The following ADAMTS18 variants were observed in gnomAD, a reference collection of about 807,000 sequenced individuals.
ADAMTS18 encodes the protein ADAM metallopeptidase with thrombospondin type 1 motif 18, also known as A disintegrin and metalloproteinase with thrombospondin motifs 18.
A neutral mutation model predicts 165.9 loss-of-function variants in ADAMTS18; 157 were observed. That is an observed-to-expected ratio of 0.95 (90% CI 0.83 to 1.08). The LOEUF is 1.08. Ranked by LOEUF, ADAMTS18 falls within the 50% of genes least tolerant of loss-of-function variation. ADAMTS18 has a pLI of 0.00. For missense variants in ADAMTS18, 2,040 were observed against 1,534.0 expected (o/e 1.33, Z -5.51); for synonymous variants, 782 against 578.2 (o/e 1.35, Z -5.06).
At chr16:77,400,480 GTTTTGTT>G (rs1224756315) in intron 3 of ADAMTS18, among the ~76,000 whole-genome samples, 11 of 104,034 alleles carry the variant, frequency 1.1e-4, no homozygotes, top group African/African-American at 1.6e-4. Flanking sequence ...GTGTGTGTGT[GTTTTGTT>G]TTTTTTTTTT....
chr16:77,356,006 A>G lies in ADAMTS18; in HGVS notation c.1394T>C (p.Leu465Pro), dbSNP rs758044350. Residue 465 changes from leucine to proline, a missense_variant, in exon 9 of 23, where the codon CTG (leucine) becomes CCG (proline). Transcript: ENST00000282849. ...TGAAAACACTCCATTGTTTCCGGTC[A>G]GTGTGGGAGACATGATATTGCCTTC... ...KAEGNIMSPT[L>P]TGNNGVFSWS... The G allele has an allele frequency of 6.2e-7, 1 of 1,614,138 alleles. No individual in the cohort carries two copies. The highest frequency in any genetic ancestry group is 8.5e-7 in the Non-Finnish European group (1 of 1,179,988).
intron 22 of ADAMTS18, among the ~76,000 whole-genome samples, chr16:77,286,017 A>T (rs554038173): frequency 6.6e-6 from 1 of 152,212 alleles, no homozygotes; most frequent in East Asian, 1.9e-4. Context: ...CTTCCATCGT[A>T]CTCAGCGTTA....
intron 3 of ADAMTS18, among the ~76,000 whole-genome samples, chr16:77,392,644 G>C (rs1422124782): frequency 2.0e-5 from 3 of 152,088 alleles, no homozygotes; most frequent in African/African-American, 7.2e-5. Flanking sequence ...GCAGGCACCA[G>C]GGATACAGGC....
intron 3 of ADAMTS18, among the ~76,000 whole-genome samples, chr16:77,413,628 T>C (rs2057492889): frequency 1.3e-5 from 2 of 152,230 alleles, no homozygotes; most frequent in Non-Finnish European, 2.9e-5. Context: ...TTTAATTTCC[T>C]GACCATGGAT....
chr16:77,286,730 C>T (rs570569414), intron 22 of ADAMTS18, among the ~76,000 whole-genome samples: 1 of 152,192 alleles, frequency 6.6e-6, no homozygotes, highest in African/African-American at 2.4e-5. Context: ...GTATTGAGTG[C>T]CTGCTCATCC....
chr16:77,364,987 T>C (rs2056772398), intron 4 of ADAMTS18, among the ~76,000 whole-genome samples: 1 of 152,052 alleles, frequency 6.6e-6, no homozygotes, highest in Non-Finnish European at 1.5e-5. Flanking sequence ...ATGCTTGTAA[T>C]CCTAGCTACT....
chr16:77,286,260 G>T (rs138240000), intron 22 of ADAMTS18, among the ~76,000 whole-genome samples: 1 of 152,114 alleles, frequency 6.6e-6, no homozygotes, highest in Non-Finnish European at 1.5e-5. Context: ...TCAAGTGGTC[G>T]TGCCTGATCA....
chr16:77,313,897 G>T (rs1275473590), intron 16 of ADAMTS18, among the ~76,000 whole-genome samples: 1 of 152,102 alleles, frequency 6.6e-6, no homozygotes, highest in South Asian at 2.1e-4. Flanking sequence ...ATCTAAAAAA[G>T]GACTTAAAAA....
At chr16:77,357,410 T>C (rs1158187663) in intron 8 of ADAMTS18, among the ~76,000 whole-genome samples, 1 of 152,314 alleles carries the variant, frequency 6.6e-6, no homozygotes, top group East Asian at 1.9e-4. Flanking sequence ...TGAAAGCATT[T>C]TCTTATCCTC....
In ADAMTS18 at chr16:77,283,628, T is replaced by C; in HGVS notation, c.*328A>G. 4 of 320,350 alleles carry C rather than the reference T, an allele frequency of 1.2e-5. No individual in the cohort carries two copies. The highest frequency in any genetic ancestry group is 2.4e-5 in the Non-Finnish European group (4 of 166,574). The allele number at this position is 320,350 out of a possible 1,614,324, so 19.8% of individuals were successfully genotyped here. On this transcript the variant is annotated 3_prime_UTR_variant, in exon 23 of 23. Transcript: ENST00000282849. Reference sequence around the variant, plus strand: ...CAGATGTCTTTGCCCTTGAACCCTTTGAAGTTCAAAAGGGGGTCTCTCCCC... The same window carrying C: ...CAGATGTCTTTGCCCTTGAACCCTTCGAAGTTCAAAAGGGGGTCTCTCCCC...
intron 3 of ADAMTS18, among the ~76,000 whole-genome samples, chr16:77,402,203 C>T (rs1172910918): frequency 6.6e-6 from 1 of 152,174 alleles, no homozygotes; most frequent in Non-Finnish European, 1.5e-5. Context: ...CACAGGTATA[C>T]AAAGAACTTT....
intron 3 of ADAMTS18, among the ~76,000 whole-genome samples, chr16:77,378,541 C>T (rs140555996): frequency 6.6e-6 from 1 of 151,742 alleles, no homozygotes; most frequent in Non-Finnish European, 1.5e-5. Context: ...ATGGCGAAAC[C>T]CTGACTCCAC....
chr16:77,399,718 G>C (rs1281448894), intron 3 of ADAMTS18, among the ~76,000 whole-genome samples: 2 of 152,128 alleles, frequency 1.3e-5, no homozygotes, highest in African/African-American at 4.8e-5. Flanking sequence ...GTTACACTAA[G>C]CATTCAAAAC....
At chr16:77,344,275 C>A (rs2056443434) in intron 10 of ADAMTS18, among the ~76,000 whole-genome samples, 1 of 151,654 alleles carries the variant, frequency 6.6e-6, no homozygotes, top group Admixed American at 6.6e-5. Context: ...CCAACACCAC[C>A]AGCTGCCCCA....
In ADAMTS18 at chr16:77,334,650, A is replaced by T. The variant is rs538398610; in HGVS notation, c.1859+1106T>A. ...ATACTATAGTATATAGTGTATATAC[A>T]CTATATACTGTATATAGTGCATATA... On this transcript the variant is annotated intron_variant, in intron 12 of 22. Coordinates refer to ENST00000282849, the MANE Select transcript of ADAMTS18 (RefSeq NM_199355.4). 1.5e-3 allele frequency among the ~76,000 whole-genome samples: 169 copies of T among 112,474 alleles called. 1 individual carries two copies. The highest frequency in any genetic ancestry group is 2.2e-3 in the Non-Finnish European group (130 of 59,394). 73.8% of individuals were successfully genotyped at this position (112,474 alleles called of 152,430 possible).
At chr16:77,388,107 T>C (rs1219159697) in intron 3 of ADAMTS18, among the ~76,000 whole-genome samples, 1 of 152,098 alleles carries the variant, frequency 6.6e-6, no homozygotes, top group African/African-American at 2.4e-5. Context: ...TCAGAAAGCT[T>C]TTCTTCTTTT....
In ADAMTS18 at chr16:77,340,700, C is replaced by G. The variant is rs187576386; in HGVS notation, c.1710+1004G>C. On this transcript the variant is annotated intron_variant, in intron 11 of 22. Transcript: ENST00000282849. ...GGTTGAAGCGATCCTCCTCCTTCAA[C>G]CTCCCAAAGTGCTGGGACTACAGGC... 3.3e-5 allele frequency among the ~76,000 whole-genome samples: 5 copies of G among 152,204 alleles called. No homozygotes were observed. In the East Asian group the frequency reaches 9.7e-4, roughly 29 times the overall value.
chr16:77,355,971 A>C lies in ADAMTS18; in HGVS notation c.1429T>G (p.Cys477Gly). 5 of 1,614,138 alleles carry C rather than the reference A, an allele frequency of 3.1e-6. No individual in the cohort carries two copies. Among genetic ancestry groups the C allele is most frequent in the Non-Finnish European group, 4.2e-6 (5 of 1,179,978 alleles). ...AATTTCTTGAGATACTGGCGGCTGC[A>C]GGAAGACCATGAAAACACTCCATTG... ...GNNGVFSWSS[C>G]SRQYLKKFLS... The change falls in exon 9 of 23, where the codon TGC becomes GGC. Residue 477 changes from cysteine (C) to glycine (G), a missense_variant. By Grantham distance (159) the Cys-to-Gly change is radical. Coordinates refer to ENST00000282849, the MANE Select transcript of ADAMTS18 (RefSeq NM_199355.4).
intron 3 of ADAMTS18, among the ~76,000 whole-genome samples, chr16:77,415,237 C>T (rs2057515119): frequency 6.6e-6 from 1 of 152,216 alleles, no homozygotes; most frequent in Non-Finnish European, 1.5e-5. Flanking sequence ...CTATGCTTGC[C>T]TGCTTCCTCT....
Sources: allele counts gnomAD v4.1 joint callset (sites outside exome capture counted in the v4.1 genomes callset), GRCh38; gene constraint gnomAD v4.1.1; transcripts MANE v1.5; gene names NCBI Gene and HGNC (gene_info 2026-07-23, HGNC 2026-07-21).